The following FGF14 variants were observed in gnomAD, a reference collection of about 807,000 sequenced individuals.
FGF14 encodes the protein fibroblast growth factor 14.
Under a neutral mutation model 25.5 loss-of-function variants are expected in FGF14, and 5 were observed. That is an observed-to-expected ratio of 0.20 (90% CI 0.10 to 0.41). The LOEUF (loss-of-function observed/expected upper bound fraction) is 0.41, where lower values mean the gene tolerates loss of function less well. Ranked by LOEUF, FGF14 falls within the 10% of genes least tolerant of loss-of-function variation. The pLI, the probability that FGF14 is intolerant of heterozygous loss-of-function variation, is 1.00. For synonymous variants in FGF14, 138 were observed against 118.3 expected (o/e 1.17, Z -1.08); for missense variants, 222 against 320.1 (o/e 0.69, Z 2.34).
chr13:101,828,201 A>G (rs928709839), intron 3 of FGF14, among the ~76,000 whole-genome samples: 12 of 152,100 alleles, frequency 7.9e-5, no homozygotes, highest in African/African-American at 2.9e-4. Context: ...CTTGTAATGC[A>G]ATAGTTGAAC....
intron 1 of FGF14, among the ~76,000 whole-genome samples, chr13:101,996,050 A>G (rs1219092672): frequency 6.6e-6 from 1 of 152,188 alleles, no homozygotes. Flanking sequence ...GAGGGGATGG[A>G]CACCCCATTC....
At chr13:102,350,456 A>G (rs1032379451) in intron 1 of FGF14, among the ~76,000 whole-genome samples, 1 of 151,906 alleles carries the variant, frequency 6.6e-6, no homozygotes. Context: ...CTTTGAGCTC[A>G]TGTGGAGCAA....
At chr13:101,919,745 T>C (rs1286006641), upstream of FGF14, among the ~76,000 whole-genome samples, 1 of 152,132 alleles carries the variant, frequency 6.6e-6, no homozygotes, top group Non-Finnish European at 1.5e-5. Flanking sequence ...GTTTCTCACT[T>C]TTTTCCCTCA....
chr13:101,787,400 C>T (rs1335084423), intron 3 of FGF14, among the ~76,000 whole-genome samples: 1 of 152,126 alleles, frequency 6.6e-6, no homozygotes, highest in Non-Finnish European at 1.5e-5. Context: ...CAGCTAGTTT[C>T]CATTCCTATG....
intron 1 of FGF14, among the ~76,000 whole-genome samples, chr13:101,954,508 C>G (rs1429792251): frequency 2.0e-5 from 3 of 152,198 alleles, no homozygotes; most frequent in African/African-American, 7.2e-5. Context: ...TGAGAACATT[C>G]CTTTATGCTT....
At chr13:101,807,808 G>T (rs1460185605) in intron 3 of FGF14, among the ~76,000 whole-genome samples, 1 of 152,032 alleles carries the variant, frequency 6.6e-6, no homozygotes, top group African/African-American at 2.4e-5. Context: ...ACGTCAAAGA[G>T]ATATTTTAAT....
At chr13:102,366,854 T>C (rs923001716) in intron 1 of FGF14, among the ~76,000 whole-genome samples, 7 of 152,258 alleles carry the variant, frequency 4.6e-5, no homozygotes, top group African/African-American at 1.7e-4. Context: ...TTTTTTAGTA[T>C]AGACCTTCAT....
At chr13:101,955,117 C>A (rs2036432136) in intron 1 of FGF14, among the ~76,000 whole-genome samples, 1 of 152,172 alleles carries the variant, frequency 6.6e-6, no homozygotes, top group Non-Finnish European at 1.5e-5. Flanking sequence ...GGGCGCATTC[C>A]CAGCTGGAGA....
At chr13:102,303,933 C>T (rs553006139) in intron 1 of FGF14, among the ~76,000 whole-genome samples, 2 of 152,184 alleles carry the variant, frequency 1.3e-5, no homozygotes, top group South Asian at 2.1e-4. Context: ...TTACCAACAG[C>T]GATTTTAGAC....
At chr13:102,159,562 A>G (rs2047527400) in intron 1 of FGF14, among the ~76,000 whole-genome samples, 1 of 152,202 alleles carries the variant, frequency 6.6e-6, no homozygotes, top group South Asian at 2.1e-4. Context: ...CTCAACAAGA[A>G]AGTCGGAGGC....
In FGF14 at chr13:102,212,106, C is replaced by T. The variant is rs16959964; in HGVS notation, c.208+189365G>A. Among the ~76,000 whole-genome samples, 804 of 152,262 alleles carry T rather than the reference C, an allele frequency of 5.3e-3. 8 individuals carry two copies. Among genetic ancestry groups the T allele is most frequent in the African/African-American group, 0.018 (757 of 41,550 alleles). On this transcript the variant is annotated intron_variant, in intron 1 of 4. Transcript: ENST00000376131. ...AACAGATGACCCTGATTCCAATTCC[C>T]CAACCAGTTCCACAACTGGTCTGCC...
At chr13:102,169,029 G>A (rs748875374) in intron 1 of FGF14, among the ~76,000 whole-genome samples, 18 of 151,646 alleles carry the variant, frequency 1.2e-4, no homozygotes, top group Admixed American at 2.6e-4. Flanking sequence ...AACACTCACA[G>A]TTTACTCTTC....
intron 1 of FGF14, among the ~76,000 whole-genome samples, chr13:101,987,283 T>G (rs1473745459): frequency 6.6e-6 from 1 of 152,102 alleles, no homozygotes; most frequent in East Asian, 1.9e-4. Flanking sequence ...CCTATCAGTC[T>G]TCCTATCCCA....
chr13:102,044,660 C>T (rs1456859612), intron 1 of FGF14, among the ~76,000 whole-genome samples: 1 of 152,068 alleles, frequency 6.6e-6, no homozygotes, highest in Non-Finnish European at 1.5e-5. Context: ...TTTCCAAACC[C>T]ATGATCTCTC....
Position 101,715,348 on chromosome 13 carries a change from A to AT in FGF14, c.*7482_*7483insA. 1 of 533,274 alleles carries AT rather than the reference A, an allele frequency of 1.9e-6. No individual in the cohort carries two copies. The highest frequency in any genetic ancestry group is 3.4e-6 in the Non-Finnish European group (1 of 297,164). The allele number at this position is 533,274 out of a possible 1,614,324, so 33.0% of individuals were successfully genotyped here. A position where few individuals can be genotyped will look rare whatever the true frequency, so the allele number is the denominator to read the frequency against. On this transcript the variant is annotated 3_prime_UTR_variant, in exon 5 of 5. Transcript: ENST00000376143. ...ACAGGATGGTGACTATCTGATCGGTAAAGGGTGGCACCAAATAAATGCCAC... is the reference window on the plus strand; with the variant it reads ...ACAGGATGGTGACTATCTGATCGGTATAAGGGTGGCACCAAATAAATGCCAC...
At chr13:101,858,524 T>G (rs3858790) in intron 3 of FGF14, among the ~76,000 whole-genome samples, 84,480 of 151,842 alleles carry the variant, frequency 0.56, 24,796 homozygotes, top group South Asian at 0.77. Context: ...TTTTAGGCCT[T>G]CATGTTTTAG....
chr13:102,363,158 C>T (rs934552974), intron 1 of FGF14, among the ~76,000 whole-genome samples: 3 of 152,032 alleles, frequency 2.0e-5, no homozygotes, highest in South Asian at 2.1e-4. Context: ...ACAAAGAAAT[C>T]GAAATGTAAT....
At chr13:102,242,347 G>T (rs2051643769) in intron 1 of FGF14, among the ~76,000 whole-genome samples, 1 of 152,110 alleles carries the variant, frequency 6.6e-6, no homozygotes, top group Non-Finnish European at 1.5e-5. Flanking sequence ...CATTTCAGCT[G>T]CTGTAACAAA....
intron 1 of FGF14, among the ~76,000 whole-genome samples, chr13:102,055,702 G>A (rs1421831489): frequency 6.6e-6 from 1 of 152,038 alleles, no homozygotes. Flanking sequence ...CAACACAGGG[G>A]GTGGCAAACC....
Sources: allele counts gnomAD v4.1 joint callset (sites outside exome capture counted in the v4.1 genomes callset), GRCh38; gene constraint gnomAD v4.1.1; transcripts MANE v1.5; gene names NCBI Gene and HGNC (gene_info 2026-07-23, HGNC 2026-07-21).